Variants in TBC1D22B observed in about 807,000 individuals in gnomAD.
TBC1D22B encodes the protein TBC1 domain family member 22B.
A neutral mutation model predicts 69.1 loss-of-function variants in TBC1D22B; 32 were observed. That is an observed-to-expected ratio of 0.46 (90% CI 0.35 to 0.62). The LOEUF (loss-of-function observed/expected upper bound fraction) is 0.62. TBC1D22B is among the 20% of genes least tolerant of loss of function. The probability of loss-of-function intolerance (pLI) is 0.00; values close to 1 mark genes in which losing one functional copy is unlikely to be tolerated. For missense variants in TBC1D22B, 462 were observed against 630.9 expected, an observed-to-expected ratio of 0.73 and a Z score of 2.87; for synonymous variants, 206 against 229.8, an observed-to-expected ratio of 0.90 and a Z score of 0.94.
chr6:37,293,986 A>G (rs76298634), intron 8 of TBC1D22B, among the ~76,000 whole-genome samples: 2 of 152,344 alleles, frequency 1.3e-5, no homozygotes, highest in East Asian at 3.9e-4. Flanking sequence ...GTTTGAAGCT[A>G]GGAGAAGTTG....
chr6:37,322,906 G>T (rs1768291861), intron 12 of TBC1D22B, among the ~76,000 whole-genome samples: 1 of 152,020 alleles, frequency 6.6e-6, no homozygotes, highest in African/African-American at 2.4e-5. Flanking sequence ...GCTGTGCCCA[G>T]TTGTGGGCAC....
At chr6:37,265,532 GT>G (rs34418459) in intron 1 of TBC1D22B, among the ~76,000 whole-genome samples, 8,958 of 143,770 alleles carry the variant, frequency 0.062, 555 homozygotes, top group African/African-American at 0.16. Context: ...AGCCCTTTGG[GT>G]TTTTTTTTTT....
chr6:37,270,277 C>A (rs1290549644), intron 2 of TBC1D22B, among the ~76,000 whole-genome samples: 1 of 151,900 alleles, frequency 6.6e-6, no homozygotes, highest in Non-Finnish European at 1.5e-5. Context: ...TATGGTGAAA[C>A]CCTGTCTCTG....
intron 8 of TBC1D22B, among the ~76,000 whole-genome samples, chr6:37,303,810 C>T (rs1767633420): frequency 6.6e-6 from 1 of 152,220 alleles, no homozygotes; most frequent in Non-Finnish European, 1.5e-5. Context: ...GAAGCCTTCC[C>T]TGGGGTCCCC....
chr6:37,317,840 C>T (rs929243511), intron 12 of TBC1D22B, among the ~76,000 whole-genome samples: 3 of 152,032 alleles, frequency 2.0e-5, no homozygotes, highest in Non-Finnish European at 4.4e-5. Flanking sequence ...GCAGAGGAAA[C>T]AGCCAGTGCA....
At chr6:37,308,601 C>T (rs1210103094) in intron 8 of TBC1D22B, among the ~76,000 whole-genome samples, 2 of 152,168 alleles carry the variant, frequency 1.3e-5, no homozygotes, top group Non-Finnish European at 2.9e-5. Context: ...CTGTTGTTCC[C>T]TTTGCTCCCT....
At chr6:37,308,316 A>G (rs1581618877) in intron 8 of TBC1D22B, among the ~76,000 whole-genome samples, 1 of 152,164 alleles carries the variant, frequency 6.6e-6, no homozygotes, top group African/African-American at 2.4e-5. Flanking sequence ...TGGACGCTTA[A>G]TGATCCTTCT....
chr6:37,309,415 A>G (rs986050297), intron 8 of TBC1D22B, among the ~76,000 whole-genome samples: 3 of 152,194 alleles, frequency 2.0e-5, no homozygotes, highest in Non-Finnish European at 4.4e-5. Context: ...TTGCATTGCA[A>G]TGTTCTGGAA....
At chr6:37,258,385 C>T (rs1302212026) in intron 1 of TBC1D22B, among the ~76,000 whole-genome samples, 1 of 152,178 alleles carries the variant, frequency 6.6e-6, no homozygotes, top group African/African-American at 2.4e-5. Flanking sequence ...GGCCCCTTCC[C>T]TTGATCCCTG....
At chr6:37,312,879 G>A (rs762508737) in intron 8 of TBC1D22B, 39 bp from the exon 9 acceptor site, 1 of 1,536,904 alleles carries the variant, frequency 6.5e-7, no homozygotes, top group Non-Finnish European at 9.0e-7. Flanking sequence ...TCCATTTTTA[G>A]ATAAGACCTC....
chr6:37,289,226 A>G (rs1344258282), intron 7 of TBC1D22B, among the ~76,000 whole-genome samples: 1 of 152,234 alleles, frequency 6.6e-6, no homozygotes, highest in African/African-American at 2.4e-5. Flanking sequence ...GAAGCAAAGA[A>G]CTAAGTAACA....
rs140475450 is a variant in TBC1D22B at position 37,314,158 on chromosome 6, C to T, written c.1165+267C>T. On this transcript the variant is annotated intron_variant, in intron 10 of 12. Transcript: ENST00000373491. ...CTTCAGCAGCTCTCTTCAGTACGCC[C>T]GTTCCCCACTTCCCCAGCCACAGCT... Among the ~76,000 whole-genome samples, 609 of 152,320 alleles carry T rather than the reference C, an allele frequency of 4.0e-3. 3 individuals are homozygous for T. The highest frequency in any genetic ancestry group is 7.1e-3 in the Non-Finnish European group (486 of 68,028).
At chr6:37,297,557 C>G (rs1767421731) in intron 8 of TBC1D22B, among the ~76,000 whole-genome samples, 2 of 152,146 alleles carry the variant, frequency 1.3e-5, no homozygotes, top group South Asian at 4.1e-4. Flanking sequence ...TACCTGTGCT[C>G]TCTATATGAC....
intron 12 of TBC1D22B, among the ~76,000 whole-genome samples, chr6:37,318,266 G>A (rs985885337): frequency 5.1e-4 from 77 of 152,328 alleles, no homozygotes; most frequent in African/African-American, 1.4e-3. Context: ...GAGCCAACAA[G>A]ATTTCCTGAT....
intron 3 of TBC1D22B, among the ~76,000 whole-genome samples, chr6:37,280,839 G>GT (rs1766804660): frequency 6.6e-6 from 1 of 152,226 alleles, no homozygotes; most frequent in East Asian, 1.9e-4. Flanking sequence ...CATGGAAGTT[G>GT]TTTTTGTAAA....
intron 3 of TBC1D22B, 74 bp downstream of exon 3, chr6:37,279,685 T>C (rs1766766523): frequency 6.9e-7 from 1 of 1,455,164 alleles, no homozygotes; most frequent in Non-Finnish European, 9.2e-7. Context: ...CGATTTTTCT[T>C]TGGGGCCTCA....
chr6:37,293,947 A>G (rs1321777870), intron 8 of TBC1D22B, among the ~76,000 whole-genome samples: 2 of 152,234 alleles, frequency 1.3e-5, no homozygotes, highest in Non-Finnish European at 2.9e-5. Flanking sequence ...CATAAAGGCT[A>G]AGAGAGGTGA....
intron 2 of TBC1D22B, among the ~76,000 whole-genome samples, chr6:37,270,859 A>G (rs1270023121): frequency 6.6e-6 from 1 of 152,154 alleles, no homozygotes; most frequent in African/African-American, 2.4e-5. Context: ...AGTAAAGATA[A>G]TGTACAATTA....
chr6:37,317,005 C>T, intron 11 of TBC1D22B, 106 bp from the exon 12 acceptor site: 1 of 1,456,150 alleles, frequency 6.9e-7, no homozygotes, highest in South Asian at 1.2e-5. Flanking sequence ...TCCATCTCCC[C>T]AACCGTGAAA....
Sources: gnomAD v4.1 joint callset for allele counts (sites outside exome capture counted in the v4.1 genomes callset) on GRCh38, gnomAD v4.1.1 for gene constraint, MANE v1.5 for transcripts, NCBI Gene and HGNC (gene_info 2026-07-23, HGNC 2026-07-21) for gene names.